MX1: variants seen among roughly 807,000 people sequenced by gnomAD.
MX1 encodes interferon-induced GTP-binding protein Mx1.
MX1 carries 66 observed loss-of-function variants against 66.4 expected under a neutral mutation model. The ratio of observed to expected loss-of-function variants is 0.99; its 90% CI spans 0.82 to 1.22. The LOEUF is 1.22. Among genes scored for constraint, MX1 ranks in the 50% most tolerant of loss-of-function variants. The probability of loss-of-function intolerance (pLI) is 0.00; values close to 1 mark genes in which losing one functional copy is unlikely to be tolerated. For missense variants in MX1, 787 were observed against 834.3 expected (o/e 0.94, Z 0.70); for synonymous variants, 311 against 318.1 (o/e 0.98, Z 0.24).
At position 41,454,294 on chromosome 21, in the gene MX1, A is replaced by G. The variant is rs78450574; in HGVS notation, c.1758+1425A>G. On this transcript the variant is annotated intron_variant, in intron 16 of 16. Coordinates refer to ENST00000398598, the MANE Select transcript of MX1 (RefSeq NM_002462.5). ...TACTGAGTTCATGGAAACTCATCCAAGGAGATTTCATGGTTTGTGGGGTGT... is the reference window on the plus strand; with the variant it reads ...TACTGAGTTCATGGAAACTCATCCAGGGAGATTTCATGGTTTGTGGGGTGT... Among the ~76,000 whole-genome samples, 792 of 152,338 alleles carry G rather than the reference A, an allele frequency of 5.2e-3. 9 individuals are homozygous for G. Among genetic ancestry groups the G allele is most frequent in the African/African-American group, 0.018 (758 of 41,560 alleles).
chr21:41,458,472 A>AGTCCCCTCCTCACAGC (rs2091007217), intron 16 of MX1, 56 bp from the exon 17 acceptor site: 1 of 1,568,398 alleles, frequency 6.4e-7, no homozygotes, highest in African/African-American at 1.4e-5. Context: ...GTGAGGTCAG[A>AGTCCCCTCCTCACAGC]GTCCCCTCCT....
At chr21:41,434,678 C>G (rs184281151) in intron 5 of MX1, among the ~76,000 whole-genome samples, 1 of 152,122 alleles carries the variant, frequency 6.6e-6, no homozygotes, top group Non-Finnish European at 1.5e-5. Context: ...ATGTATAGTG[C>G]GAGAACCTTA....
chr21:41,436,084 A>C, intron 6 of MX1, 55 bp downstream of exon 6: 1 of 1,585,854 alleles, frequency 6.3e-7, no homozygotes, highest in South Asian at 1.1e-5. Context: ...AAAATACCAC[A>C]GACAGGGTGG....
chr21:41,443,687 TA>T, intron 10 of MX1, 100 bp from the exon 11 acceptor site: 1 of 998,510 alleles, frequency 1.0e-6, no homozygotes, highest in Non-Finnish European at 1.6e-6. Flanking sequence ...CATCCAGTTG[TA>T]AGCAACTGAA....
At chr21:41,422,094 G>C (rs962482081), upstream of MX1, 1 of 152,164 alleles carries the variant, frequency 6.6e-6, no homozygotes, top group Non-Finnish European at 1.5e-5. Context: ...ATTCCCAGAC[G>C]GGTAAGGCAT....
At chr21:41,436,109 G>T (rs2090353715) in intron 6 of MX1, 80 bp downstream of exon 6, 1 of 1,507,070 alleles carries the variant, frequency 6.6e-7, no homozygotes, top group East Asian at 2.3e-5. Flanking sequence ...TACAACAAAA[G>T]TTTATTTTCT....
rs1391139113 is a variant in MX1 at position 41,441,702 on chromosome 21, C to T, written c.731-14C>T. 1.2e-6 allele frequency: 2 copies of T among 1,613,884 alleles called. No individual in the cohort carries two copies. Among genetic ancestry groups the T allele is most frequent in the African/African-American group, 2.7e-5 (2 of 74,926 alleles). ...ACTGAGCACGTTCTCTCCCCAAATA[C>T]ATCTGGCTCGCAGGAATCTTGACGA... On this transcript the variant is annotated splice_polypyrimidine_tract_variant and intron_variant, in intron 9 of 16. Transcript: ENST00000398598. The surrounding 1 kb of genome is among the most constrained non-coding windows in gnomAD (Gnocchi z 4.0).
Position 41,432,005 on chromosome 21 carries a change from C to T in MX1, c.-21-45C>T, listed in dbSNP as rs536159384. The T allele has an allele frequency of 1.1e-5, 16 of 1,523,672 alleles. No individual in the cohort carries two copies. In the South Asian group the frequency reaches 1.7e-4, roughly 16 times the overall value. The allele number at this position is 1,523,672 out of a possible 1,614,324, so 94.4% of individuals were successfully genotyped here. ...GTGGGTTTGGTTCCATGGTTGAATG[C>T]ACCCAGCTGCTTATCTGTTCAATAG... On this transcript the variant is annotated intron_variant, in intron 4 of 16. Coordinates refer to ENST00000398598, the MANE Select transcript of MX1 (RefSeq NM_002462.5).
Position 41,442,024 on chromosome 21 carries a change from T to TGTGTGTGC in MX1, c.929+111_929+112insTGTGTGCG, listed in dbSNP as rs764550165. The TGTGTGTGC allele has an allele frequency of 8.4e-5, 83 of 987,686 alleles. No individual in the cohort carries two copies. In the African/African-American group the frequency reaches 9.9e-4, roughly 12 times the overall value. The allele number at this position is 987,686 out of a possible 1,614,324, so 61.2% of individuals were successfully genotyped here. On this transcript the variant is annotated intron_variant, in intron 10 of 16. Transcript: ENST00000398598. ...TGTGTGGAGTGTGTGTGTGTGTGTG[T>TGTGTGTGC]GCGTGTGTGTGTGTGCGCGTGTGTG...
chr21:41,449,555 C>G, intron 14 of MX1: 1 of 358,222 alleles, frequency 2.8e-6, no homozygotes, highest in South Asian at 7.1e-5. Flanking sequence ...GGTCACAAGT[C>G]CCAGACCTCC....
chr21:41,434,678 C>T (rs184281151), intron 5 of MX1, among the ~76,000 whole-genome samples: 139 of 152,240 alleles, frequency 9.1e-4, no homozygotes, highest in Non-Finnish European at 9.4e-4. Context: ...ATGTATAGTG[C>T]GAGAACCTTA....
chr21:41,424,018 T>TA (rs2090019136), upstream of MX1, among the ~76,000 whole-genome samples: 1 of 152,100 alleles, frequency 6.6e-6, no homozygotes, highest in East Asian at 1.9e-4. Context: ...CAAGGGCCCT[T>TA]AGGGAAGCCT....
intron 2 of MX1, among the ~76,000 whole-genome samples, 200 bp downstream of exon 2, chr21:41,427,504 C>T (rs1461298986): frequency 6.7e-6 from 1 of 149,844 alleles, no homozygotes; most frequent in Non-Finnish European, 1.5e-5. Flanking sequence ...TGCACATGTA[C>T]CCCAGAACTT....
At chr21:41,451,266 T>TAAA in intron 15 of MX1, 23 bp downstream of exon 15, 4 of 1,168,576 alleles carry the variant, frequency 3.4e-6, no homozygotes, top group South Asian at 1.5e-5. Flanking sequence ...ATGTGTTGTT[T>TAAA]AAAAAAAAAA....
intron 12 of MX1, 43 bp downstream of exon 12, chr21:41,445,613 T>C (rs1168837966): frequency 6.2e-7 from 1 of 1,611,172 alleles, no homozygotes; most frequent in African/African-American, 1.3e-5. Context: ...GCACATGTCA[T>C]GGTCAAAAAA....
chr21:41,428,713 CAT>C (rs1419594270), intron 3 of MX1: 2 of 152,234 alleles, frequency 1.3e-5, no homozygotes, highest in Non-Finnish European at 2.9e-5. Flanking sequence ...CTACCACACA[CAT>C]GCTTACCACT....
rs1287624526 is a variant in MX1 at position 41,449,267 on chromosome 21, G to A, written c.1404G>A (p.Pro468=). 9.9e-6 allele frequency: 16 copies of A among 1,613,576 alleles called. No homozygotes were observed. Among genetic ancestry groups the A allele is most frequent in the Middle Eastern group, 1.6e-4 (1 of 6,084 alleles). ...VKQQIKALEE[P]AVDMLHTVTD... is the part of the protein sequence containing the mutation. ...AGCAAATCAAGGCACTGGAAGAGCCGGCTGTGGATATGCTACACACCGTGA... is the reference window on the plus strand; with the variant it reads ...AGCAAATCAAGGCACTGGAAGAGCCAGCTGTGGATATGCTACACACCGTGA... The change falls in exon 14 of 17, where the codon CCG becomes CCA. Residue 468 remains proline (P), a synonymous_variant. Coordinates refer to ENST00000398598, the MANE Select transcript of MX1 (RefSeq NM_002462.5).
chr21:41,440,807 C>T, intron 8 of MX1, 80 bp from the exon 9 acceptor site: 2 of 1,553,576 alleles, frequency 1.3e-6, no homozygotes, highest in Non-Finnish European at 1.8e-6. Flanking sequence ...GGGCCTAAAG[C>T]AAGTGCAAGG....
intron 16 of MX1, among the ~76,000 whole-genome samples, chr21:41,454,690 A>G (rs2090917632): frequency 6.6e-6 from 1 of 152,196 alleles, no homozygotes; most frequent in Admixed American, 6.5e-5. Context: ...GAGGCAGTGA[A>G]CACAGACACA....
Sources: gnomAD v4.1 joint callset for allele counts (sites outside exome capture counted in the v4.1 genomes callset) on GRCh38, gnomAD v4.1.1 for gene constraint, Gnocchi (gnomAD v3.1) non-coding constraint, MANE v1.5 for transcripts, NCBI Gene and HGNC (gene_info 2026-07-23, HGNC 2026-07-21) for gene names.